FRY: variants seen among roughly 807,000 people sequenced by gnomAD.
FRY encodes protein furry homolog.
A neutral mutation model predicts 348.4 loss-of-function variants in FRY; 128 were observed. The observed-to-expected ratio is 0.37, with a 90% CI of 0.32 to 0.43. The LOEUF (loss-of-function observed/expected upper bound fraction) is 0.43, where lower values mean the gene tolerates loss of function less well. FRY is among the 20% of genes least tolerant of loss of function. FRY has a pLI of 1.00. For synonymous variants in FRY, 1,370 were observed against 1,374.7 expected (o/e 1.00, Z 0.08); for missense variants, 2,736 against 3,695.2 (o/e 0.74, Z 6.73).
rs1309811437 is a variant in FRY, at chr13:32,224,947, T to G, written c.4931T>G (p.Val1644Gly). ...TCATTGATTAGGTGCAATATTGCTG[T>G]AATTTTTATGACTGAAATGGTGGTG... ...RGPLHRCNIA[V>G]IFMTEMVVDH... The change falls in exon 38 of 61, where the codon GTA becomes GGA. Residue 1644 changes from valine (V) to glycine (G), a missense_variant. By Grantham distance (109) the Val-to-Gly change is moderately radical (BLOSUM62 -3). This residue lies in a region of FRY where 794 missense variants were observed against 977.0 expected (regional missense o/e 0.81). Transcript: ENST00000542859. 1 of 1,604,256 alleles carries G rather than the reference T, an allele frequency of 6.2e-7. No individual in the cohort carries two copies. The highest frequency in any genetic ancestry group is 2.2e-5 in the East Asian group (1 of 44,824).
At chr13:32,038,403 C>T (rs560508613) in intron 1 of FRY, 15 of 152,242 alleles carry the variant, frequency 9.9e-5, no homozygotes, top group African/African-American at 3.1e-4. Flanking sequence ...CTTTTTTAAA[C>T]ATTTAAACAT....
intron 3 of FRY, among the ~76,000 whole-genome samples, chr13:32,113,199 G>A (rs1425629869): frequency 6.6e-6 from 1 of 152,106 alleles, no homozygotes; most frequent in Non-Finnish European, 1.5e-5. Flanking sequence ...GAGTATCGTG[G>A]CCCTCAGAGT....
At chr13:32,292,496 C>T (rs1465787050) in intron 59 of FRY, among the ~76,000 whole-genome samples, 2 of 151,872 alleles carry the variant, frequency 1.3e-5, no homozygotes, top group African/African-American at 4.8e-5. Context: ...AAGAGTCAAT[C>T]AATAAAGCAA....
At chr13:32,235,047 C>T (rs1346448858) in intron 42 of FRY, among the ~76,000 whole-genome samples, 2 of 152,116 alleles carry the variant, frequency 1.3e-5, no homozygotes, top group East Asian at 1.9e-4. Context: ...ATTTGGCAGG[C>T]GGCCAGGGGA....
At chr13:32,136,511 T>C (rs1335701608) in intron 10 of FRY, among the ~76,000 whole-genome samples, 2 of 152,228 alleles carry the variant, frequency 1.3e-5, no homozygotes, top group Non-Finnish European at 2.9e-5. Flanking sequence ...CTGTGTGCCT[T>C]CCTGCTTTTT....
chr13:32,292,024 C>G (rs1258975520), intron 59 of FRY: 1 of 451,658 alleles, frequency 2.2e-6, no homozygotes, highest in Non-Finnish European at 4.4e-6. Context: ...ACTCTGTTGC[C>G]CAGGCTGGAG....
chr13:32,132,223 C>A (rs1437762109), intron 8 of FRY, among the ~76,000 whole-genome samples: 1 of 136,572 alleles, frequency 7.3e-6, no homozygotes, highest in African/African-American at 2.7e-5. Context: ...CTGTTTTATT[C>A]TTACTATAAA....
chr13:32,057,968 A>AG (rs11463623), intron 1 of FRY, among the ~76,000 whole-genome samples: 1,569 of 152,044 alleles, frequency 0.01, 34 homozygotes, highest in African/African-American at 0.036. Context: ...TCAAAAAAAA[A>AG]TAAATAAATA....
chr13:32,063,421 C>G (rs1593572932), intron 1 of FRY, among the ~76,000 whole-genome samples: 1 of 152,212 alleles, frequency 6.6e-6, no homozygotes, highest in African/African-American at 2.4e-5. Flanking sequence ...GGAAATACTA[C>G]TAGCTCCTTA....
At chr13:32,085,693 T>A in intron 2 of FRY, 3 of 352,356 alleles carry the variant, frequency 8.5e-6, no homozygotes, top group South Asian at 6.6e-5. Context: ...ATTGGAGGGC[T>A]GAGATGAATT....
intron 36 of FRY, among the ~76,000 whole-genome samples, chr13:32,222,888 T>C (rs111657525): frequency 3.4e-4 from 52 of 152,208 alleles, no homozygotes; most frequent in African/African-American, 1.2e-3. Flanking sequence ...ATTATTTGGG[T>C]ATGGGATATG....
chr13:32,242,229 A>C (rs2315616), intron 46 of FRY, among the ~76,000 whole-genome samples: 5,368 of 152,284 alleles, frequency 0.035, 361 homozygotes, highest in African/African-American at 0.12. Flanking sequence ...CATAATATCA[A>C]ATGACTCTAC....
chr13:32,214,370 C>T (rs569504345), intron 35 of FRY, among the ~76,000 whole-genome samples: 3 of 152,232 alleles, frequency 2.0e-5, no homozygotes, highest in East Asian at 3.8e-4. Context: ...AGGCCACATG[C>T]GGCCCAGGAC....
intron 14 of FRY, 58 bp from the exon 15 acceptor site, chr13:32,155,433 G>C: frequency 8.3e-7 from 1 of 1,204,850 alleles, no homozygotes; most frequent in South Asian, 1.2e-5. Context: ...ACTTATGGAT[G>C]TATTCCACTA....
chr13:32,213,303 C>T (rs1403148869), intron 35 of FRY, among the ~76,000 whole-genome samples: 1 of 152,190 alleles, frequency 6.6e-6, no homozygotes, highest in Non-Finnish European at 1.5e-5. Flanking sequence ...CACAGGGCTG[C>T]CTGCCCTTGG....
At chr13:32,043,149 A>G (rs1011372209) in intron 1 of FRY, among the ~76,000 whole-genome samples, 11 of 152,310 alleles carry the variant, frequency 7.2e-5, no homozygotes, top group Middle Eastern at 3.4e-3. Context: ...ATGAGAGCCA[A>G]GTGAAATGGG....
intron 58 of FRY, among the ~76,000 whole-genome samples, chr13:32,281,532 G>A (rs988337624): frequency 6.6e-5 from 10 of 152,190 alleles, no homozygotes; most frequent in South Asian, 4.1e-4. Context: ...ATGATGGAAG[G>A]GCAAATTCTG....
intron 2 of FRY, among the ~76,000 whole-genome samples, chr13:32,101,426 A>C (rs1320812718): frequency 6.6e-6 from 1 of 152,236 alleles, no homozygotes; most frequent in Non-Finnish European, 1.5e-5. Flanking sequence ...TGCTGCAGTT[A>C]ACATGAGCAT....
intron 35 of FRY, among the ~76,000 whole-genome samples, chr13:32,213,189 C>CTTAG: frequency 6.6e-6 from 1 of 152,320 alleles, no homozygotes; most frequent in Middle Eastern, 3.4e-3. Context: ...AAATAACTCA[C>CTTAG]TTAGCCCAAA....
Sources: gnomAD v4.1 joint callset for allele counts (sites outside exome capture counted in the v4.1 genomes callset) on GRCh38, gnomAD v4.1.1 for gene constraint, gnomAD v4.1.1 regional missense constraint, MANE v1.5 for transcripts, NCBI Gene and HGNC (gene_info 2026-07-23, HGNC 2026-07-21) for gene names.